TANGO6: variants seen among roughly 807,000 people sequenced by gnomAD.
The protein encoded by TANGO6 is transport and Golgi organization protein 6 homolog.
TANGO6 carries 90 observed loss-of-function variants against 114.2 expected under a neutral mutation model. That is an observed-to-expected ratio of 0.79 (90% confidence interval 0.66 to 0.94). The LOEUF (loss-of-function observed/expected upper bound fraction) is 0.94. Among genes scored for constraint, TANGO6 ranks in the 40% least tolerant of loss-of-function variants. The pLI, the probability that TANGO6 is intolerant of heterozygous loss-of-function variation, is 0.00. For missense variants in TANGO6, 1,274 were observed against 1,315.3 expected, an observed-to-expected ratio of 0.97 and a Z score of 0.49; for synonymous variants, 477 against 509.8, an observed-to-expected ratio of 0.94 and a Z score of 0.87.
At chr16:68,970,919 A>T (rs952613512) in intron 14 of TANGO6, among the ~76,000 whole-genome samples, 1 of 152,142 alleles carries the variant, frequency 6.6e-6, no homozygotes, top group African/African-American at 2.4e-5. Context: ...GCACTTTGGG[A>T]GGCCGAGGAG....
intron 14 of TANGO6, among the ~76,000 whole-genome samples, chr16:68,968,389 G>A (rs1963666509): frequency 6.7e-6 from 1 of 149,410 alleles, no homozygotes. Flanking sequence ...GTGAGATGGA[G>A]TTTTCACTCT....
intron 11 of TANGO6, among the ~76,000 whole-genome samples, chr16:68,914,323 G>A (rs1007742455): frequency 3.3e-5 from 5 of 152,046 alleles, no homozygotes; most frequent in East Asian, 1.9e-4. Flanking sequence ...AACCATGCCC[G>A]GCTAATTTTT....
chr16:68,927,499 C>T (rs1341707667), intron 12 of TANGO6, 69 bp from the exon 13 acceptor site: 3 of 1,524,490 alleles, frequency 2.0e-6, no homozygotes, highest in South Asian at 1.2e-5. Flanking sequence ...AATATGTTTC[C>T]TGGTGCTCAG....
intron 9 of TANGO6, among the ~76,000 whole-genome samples, chr16:68,904,098 TTTTTG>T (rs569169231): frequency 3.3e-5 from 5 of 152,134 alleles, no homozygotes; most frequent in South Asian, 2.1e-4. Context: ...TTGTCATGTG[TTTTTG>T]TTTTGTTTTG....
At chr16:68,967,175 G>A (rs1963654245) in intron 14 of TANGO6, among the ~76,000 whole-genome samples, 1 of 152,162 alleles carries the variant, frequency 6.6e-6, no homozygotes, top group Non-Finnish European at 1.5e-5. Flanking sequence ...ACCAGGGACT[G>A]GTTTCATGGA....
chr16:68,849,975 T>C (rs1357308472), intron 1 of TANGO6, among the ~76,000 whole-genome samples: 2 of 147,490 alleles, frequency 1.4e-5, no homozygotes, highest in African/African-American at 5.0e-5. Context: ...GCGGTTCTTT[T>C]TTTTTTTTTT....
chr16:68,856,741 G>T (rs1462647071), intron 1 of TANGO6, among the ~76,000 whole-genome samples: 1 of 152,122 alleles, frequency 6.6e-6, no homozygotes, highest in Non-Finnish European at 1.5e-5. Context: ...ATAATTTTAT[G>T]AGTTTTGACA....
In TANGO6 at chr16:68,988,519, TAA is replaced by T. The variant is rs1470337041; in HGVS notation, c.2842+14352_2842+14353del. 2.6e-5 allele frequency among the ~76,000 whole-genome samples: 4 copies of T among 152,208 alleles called. No individual in the cohort carries two copies. In the East Asian group the frequency reaches 7.7e-4, roughly 29 times the overall value. On this transcript the variant is annotated intron_variant, in intron 15 of 17. Transcript: ENST00000261778. ...ATTAACTTTTATGAAGCCCATTTTA[TAA>T]GTGTTTTTAATAGAAAAAAATCCTA...
rs181788511 is a variant in TANGO6, at chr16:69,022,423, G to T, written c.2843-405G>T. On this transcript the variant is annotated intron_variant, in intron 15 of 17. Transcript: ENST00000261778. ...GTACTTTGAAAAGAATAAGACATTG[G>T]TCATGTACGGTGACTCACTCCTGTA... 1.5e-3 allele frequency among the ~76,000 whole-genome samples: 224 copies of T among 152,276 alleles called. 2 individuals are homozygous for T. In the South Asian group the frequency reaches 0.017, roughly 12 times the overall value.
intron 7 of TANGO6, among the ~76,000 whole-genome samples, chr16:68,889,295 G>T (rs1962580794): frequency 6.6e-6 from 1 of 152,160 alleles, no homozygotes; most frequent in Non-Finnish European, 1.5e-5. Flanking sequence ...GGGATTCACT[G>T]TTGGAGTTGT....
At chr16:69,038,617 C>T (rs1208975387) in intron 16 of TANGO6, among the ~76,000 whole-genome samples, 3 of 152,052 alleles carry the variant, frequency 2.0e-5, no homozygotes, top group Non-Finnish European at 4.4e-5. Context: ...CATTTTTCTG[C>T]CTACCAGGAG....
chr16:68,850,759 C>T (rs1961889650), intron 1 of TANGO6, among the ~76,000 whole-genome samples: 1 of 152,146 alleles, frequency 6.6e-6, no homozygotes, highest in Non-Finnish European at 1.5e-5. Flanking sequence ...AACTGTGTTC[C>T]AGTAAAACCT....
intron 5 of TANGO6, among the ~76,000 whole-genome samples, chr16:68,875,492 C>T (rs1278016518): frequency 6.6e-6 from 1 of 152,052 alleles, no homozygotes; most frequent in East Asian, 1.9e-4. Context: ...CGAGGCCAGG[C>T]GCAGTGGCTC....
At chr16:68,922,818 C>T (rs185083422) in intron 12 of TANGO6, among the ~76,000 whole-genome samples, 36 of 151,932 alleles carry the variant, frequency 2.4e-4, no homozygotes, top group African/African-American at 8.7e-4. Flanking sequence ...AGCTGGGCTC[C>T]AAATCTTGAA....
At position 68,921,090 on chromosome 16, in the gene TANGO6, G is replaced by T. The variant is rs1180018552; in HGVS notation, c.2127+1871G>T. ...GCCGAGATCGCGCCACTGCACTCCA[G>T]CCTGGGCAACAGAGCGAGACTCTGT... On this transcript the variant is annotated intron_variant, in intron 12 of 17. Coordinates refer to ENST00000261778, the MANE Select transcript of TANGO6 (RefSeq NM_024562.2). Among the ~76,000 whole-genome samples the T allele has an allele frequency of 2.2e-5, 3 of 137,162 alleles. No individual in the cohort carries two copies. The East Asian group carries it at 6.8e-4, about 31-fold the overall frequency. The allele number at this position is 137,162 out of a possible 152,430, so 90.0% of individuals were successfully genotyped here.
Position 68,879,619 on chromosome 16 carries a change from C to T in TANGO6, c.1295-929C>T, listed in dbSNP as rs902596644. Among the ~76,000 whole-genome samples, 391 of 140,086 alleles carry T rather than the reference C, an allele frequency of 2.8e-3. 4 individuals carry two copies. The highest frequency in any genetic ancestry group is 9.3e-3 in the African/African-American group (358 of 38,342). The allele number at this position is 140,086 out of a possible 152,430, so 91.9% of individuals were successfully genotyped here. On this transcript the variant is annotated intron_variant, in intron 6 of 17. Transcript: ENST00000261778. ...AACTATTAACTCTGCCATTTTCTTT[C>T]TTTTTTTTTTTTTTTTAGACAGAGT...
chr16:68,934,770 A>G (rs1963283750), intron 14 of TANGO6, among the ~76,000 whole-genome samples: 1 of 152,048 alleles, frequency 6.6e-6, no homozygotes, highest in Admixed American at 6.6e-5. Context: ...TTAAGACTGG[A>G]TTTTTGGGAA....
At chr16:68,989,679 C>T (rs562747259) in intron 15 of TANGO6, among the ~76,000 whole-genome samples, 48 of 152,206 alleles carry the variant, frequency 3.2e-4, no homozygotes, top group African/African-American at 1.1e-3. Context: ...GGATTCTGTA[C>T]TAGACATTAT....
intron 16 of TANGO6, among the ~76,000 whole-genome samples, chr16:69,024,310 A>T (rs1435027505): frequency 1.4e-5 from 2 of 147,486 alleles, no homozygotes; most frequent in Admixed American, 6.8e-5. Context: ...TCTGTAGCCC[A>T]GGCTGGAGTG....
Sources: gnomAD v4.1 joint callset for allele counts (sites outside exome capture counted in the v4.1 genomes callset) on GRCh38, gnomAD v4.1.1 for gene constraint, MANE v1.5 for transcripts, NCBI Gene and HGNC (gene_info 2026-07-23, HGNC 2026-07-21) for gene names.